The following PDE11A variants were observed in gnomAD, a reference collection of about 807,000 sequenced individuals.
PDE11A encodes the protein dual 3',5'-cyclic-AMP and -GMP phosphodiesterase 11A.
In PDE11A, 100 loss-of-function variants were observed where a neutral mutation model predicts 100.5. The ratio of observed to expected loss-of-function variants is 1.00; its 90% CI spans 0.85 to 1.18. The LOEUF (loss-of-function observed/expected upper bound fraction) is 1.18. Among genes scored for constraint, PDE11A ranks in the 50% most tolerant of loss-of-function variants. The pLI is 0.00. For synonymous variants in PDE11A, 381 were observed against 420.8 expected (o/e 0.91, Z 1.16); for missense variants, 1,141 against 1,152.6 (o/e 0.99, Z 0.15).
At chr2:177,648,418 A>T (rs1230004811) in intron 19 of PDE11A, among the ~76,000 whole-genome samples, 1 of 152,180 alleles carries the variant, frequency 6.6e-6, no homozygotes, top group African/African-American at 2.4e-5. Context: ...GAATATAATA[A>T]CTTTATAAAT....
chr2:178,097,876 T>TA (rs561569057), intron 2 of PDE11A, among the ~76,000 whole-genome samples: 30 of 151,992 alleles, frequency 2.0e-4, no homozygotes, highest in Non-Finnish European at 3.8e-4. Flanking sequence ...ACAAATGAAA[T>TA]AGAGTAAAAC....
intron 2 of PDE11A, among the ~76,000 whole-genome samples, chr2:177,910,185 T>C (rs948487253): frequency 6.6e-6 from 1 of 152,174 alleles, no homozygotes; most frequent in East Asian, 1.9e-4. Context: ...GTGTCATTCA[T>C]TGGCATGACA....
intron 4 of PDE11A, among the ~76,000 whole-genome samples, chr2:177,896,988 T>C (rs569636232): frequency 1.3e-5 from 2 of 152,130 alleles, no homozygotes; most frequent in Non-Finnish European, 2.9e-5. Flanking sequence ...TTTAGACATA[T>C]ACAGATTTTA....
intron 5 of PDE11A, among the ~76,000 whole-genome samples, chr2:177,852,559 A>G: frequency 6.6e-6 from 1 of 152,032 alleles, no homozygotes; most frequent in East Asian, 1.9e-4. Flanking sequence ...TGCTTTTTGA[A>G]GTTGTCTTTT....
At chr2:177,895,802 T>A (rs888969686) in intron 4 of PDE11A, among the ~76,000 whole-genome samples, 1 of 152,176 alleles carries the variant, frequency 6.6e-6, no homozygotes. Context: ...TTTCGTTAGA[T>A]AGAAGGACTA....
chr2:178,041,282 C>T, intron 1 of PDE11A, among the ~76,000 whole-genome samples: 1 of 147,618 alleles, frequency 6.8e-6, no homozygotes. Context: ...CTTGCTCTGT[C>T]ACCCAGGCTG....
chr2:177,707,185 C>T (rs1158153177), intron 13 of PDE11A, among the ~76,000 whole-genome samples: 3 of 152,276 alleles, frequency 2.0e-5, no homozygotes, highest in Middle Eastern at 3.4e-3. Flanking sequence ...GGCAAGTTTA[C>T]TTACCTTCCT....
intron 13 of PDE11A, among the ~76,000 whole-genome samples, chr2:177,702,108 A>C (rs2081205482): frequency 6.6e-6 from 1 of 152,216 alleles, no homozygotes; most frequent in South Asian, 2.1e-4. Flanking sequence ...TTAAATACTC[A>C]TTGATACTTA....
chr2:177,899,656 G>A (rs201295748), intron 3 of PDE11A: 75 of 138,602 alleles, frequency 5.4e-4, no homozygotes, highest in Non-Finnish European at 8.8e-4. Context: ...ATATATATAT[G>A]TAATTTACAT....
intron 9 of PDE11A, among the ~76,000 whole-genome samples, chr2:177,812,815 A>C (rs1051328703): frequency 1.1e-4 from 16 of 152,198 alleles, no homozygotes; most frequent in African/African-American, 3.9e-4. Context: ...TAAAGAGGGA[A>C]AAAGGAGAAA....
chr2:178,072,966 C>G (rs1314770591), upstream of PDE11A: 2 of 985,278 alleles, frequency 2.0e-6, no homozygotes, highest in Non-Finnish European at 2.4e-6. Flanking sequence ...GTACAGGACT[C>G]CTGATTGGAA....
chr2:177,949,265 T>G (rs1880915), intron 2 of PDE11A, among the ~76,000 whole-genome samples: 50,659 of 147,250 alleles, frequency 0.34, 10,087 homozygotes, highest in East Asian at 0.55. Context: ...ACATCTCTAG[T>G]TTAAAATCTT....
intron 2 of PDE11A, among the ~76,000 whole-genome samples, chr2:177,918,920 C>T (rs1443446716): frequency 6.6e-6 from 1 of 152,054 alleles, no homozygotes; most frequent in Non-Finnish European, 1.5e-5. Context: ...CAAGAAAATT[C>T]CTATGCTATT....
chr2:177,923,991 CAT>C (rs2085091640), intron 2 of PDE11A, among the ~76,000 whole-genome samples: 1 of 152,086 alleles, frequency 6.6e-6, no homozygotes, highest in South Asian at 2.1e-4. Flanking sequence ...ATAAAAATGT[CAT>C]ATATAAAGAC....
intron 2 of PDE11A, among the ~76,000 whole-genome samples, chr2:177,928,683 G>A (rs993512863): frequency 2.0e-5 from 3 of 152,184 alleles, no homozygotes; most frequent in Admixed American, 6.5e-5. Context: ...AGCTGAGGCA[G>A]GAGGACTGCT....
rs1193871095 is a variant in PDE11A, at chr2:177,785,399, AG to A, written c.1738-16027del. Among the ~76,000 whole-genome samples, 21 of 152,278 alleles carry A rather than the reference AG, an allele frequency of 1.4e-4. 1 individual carries two copies. The highest frequency in any genetic ancestry group is 4.8e-4 in the African/African-American group (20 of 41,554). ...AATAGCGTTTAAAGACAATTCTGGGAGGGCAGCCAAGATGGCCGAATAGGAA... is the reference window on the plus strand; with the variant it reads ...AATAGCGTTTAAAGACAATTCTGGGAGGCAGCCAAGATGGCCGAATAGGAA... On this transcript the variant is annotated intron_variant, in intron 9 of 19. Transcript: ENST00000286063.
At chr2:178,000,280 A>G (rs1256272125) in intron 2 of PDE11A, among the ~76,000 whole-genome samples, 1 of 152,260 alleles carries the variant, frequency 6.6e-6, no homozygotes, top group African/African-American at 2.4e-5. Flanking sequence ...TGTTAAAAAT[A>G]GAAATTACAA....
At position 177,916,533 on chromosome 2, in the gene PDE11A, T is replaced by C. The variant is rs990794141; in HGVS notation, c.1072-11346A>G. Among the ~76,000 whole-genome samples, 3 of 152,164 alleles carry C rather than the reference T, an allele frequency of 2.0e-5. No homozygotes were observed. In the East Asian group the frequency reaches 5.8e-4, roughly 29 times the overall value. ...CTATCTTATAGTCTAATTTTAGTAT[T>C]CCTGGTCCTAGACTGAACTGAACTC... On this transcript the variant is annotated intron_variant, in intron 2 of 19. Coordinates refer to ENST00000286063, the MANE Select transcript of PDE11A (RefSeq NM_016953.4).
rs919871769 is a variant in PDE11A, at chr2:177,814,188, C to A, written c.1737+2641G>T. 2.0e-5 allele frequency among the ~76,000 whole-genome samples: 3 copies of A among 152,058 alleles called. No individual in the cohort carries two copies. In the South Asian group the frequency reaches 6.2e-4, roughly 32 times the overall value. Reference sequence around the variant, plus strand: ...AGCTCAAATCTTTTATGGGACTAAGCAAGTTATAAATACATACTTTCCATA... The same window carrying A: ...AGCTCAAATCTTTTATGGGACTAAGAAAGTTATAAATACATACTTTCCATA... On this transcript the variant is annotated intron_variant, in intron 9 of 19. Coordinates refer to ENST00000286063, the MANE Select transcript of PDE11A (RefSeq NM_016953.4).
Sources: allele counts gnomAD v4.1 joint callset (sites outside exome capture counted in the v4.1 genomes callset), GRCh38; gene constraint gnomAD v4.1.1; transcripts MANE v1.5; gene names NCBI Gene and HGNC (gene_info 2026-07-23, HGNC 2026-07-21).